STK4: variants seen among roughly 807,000 people sequenced by gnomAD.
The protein encoded by STK4 is serine/threonine kinase 4, also known as serine/threonine-protein kinase 4.
STK4 carries 30 observed loss-of-function variants against 64.9 expected under a neutral mutation model. The observed-to-expected ratio is 0.46, with a 90% CI of 0.35 to 0.63. The LOEUF (loss-of-function observed/expected upper bound fraction) is 0.63. Ranked by LOEUF, STK4 falls within the 20% of genes least tolerant of loss-of-function variation. The probability of loss-of-function intolerance (pLI) is 0.01; values close to 1 mark genes in which losing one functional copy is unlikely to be tolerated. For missense variants in STK4, 466 were observed against 598.5 expected (o/e 0.78, Z 2.31); for synonymous variants, 177 against 199.0 (o/e 0.89, Z 0.93).
chr20:45,001,289 G>A lies in STK4; in HGVS notation c.1083G>A (p.Leu361=), dbSNP rs1287930416. Residue 361 remains leucine (L), a synonymous_variant, in exon 9 of 11, where the codon TTG becomes TTA. Coordinates refer to ENST00000372806, the MANE Select transcript of STK4 (RefSeq NM_006282.5). ...CTATGATTGAGCACGATGACACGTT[G>A]CCATCACAACTGGGCACCATGGTGA... The part of the protein sequence containing the change: ...ANTMIEHDDT[L]PSQLGTMVIN... The A allele has an allele frequency of 8.7e-6, 14 of 1,614,052 alleles. No individual in the cohort carries two copies. Among genetic ancestry groups the A allele is most frequent in the Non-Finnish European group, 7.6e-6 (9 of 1,180,022 alleles).
At chr20:44,967,859 CAT>C (rs2067178046) in intron 1 of STK4, among the ~76,000 whole-genome samples, 1 of 152,184 alleles carries the variant, frequency 6.6e-6, no homozygotes, top group African/African-American at 2.4e-5. Flanking sequence ...TTATTACACT[CAT>C]ATTGCACTTA....
At position 45,078,239 on chromosome 20, in the gene STK4, T is replaced by C. The variant is rs1980669166; in HGVS notation, c.*3063T>C. On this transcript the variant is annotated 3_prime_UTR_variant, in exon 11 of 11. Transcript: ENST00000372806. ...TTTTTTTTTTGAGACAGAGTCTCAC[T>C]CTGTTGCCCAGGCTGGAGTGCAGTG... is the stretch of plus-strand genomic sequence containing the variant. The C allele has an allele frequency of 6.7e-6, 1 of 148,682 alleles. No homozygotes were observed. The allele number at this position is 148,682 out of a possible 1,614,324, so 9.2% of individuals were successfully genotyped here.
At chr20:44,995,723 A>G (rs80018126) in intron 6 of STK4, among the ~76,000 whole-genome samples, 1 of 151,916 alleles carries the variant, frequency 6.6e-6, no homozygotes, top group East Asian at 1.9e-4. Flanking sequence ...TACTGACTCT[A>G]GTTGTAGTCA....
At chr20:44,986,053 A>AT (rs975631583) in intron 4 of STK4, among the ~76,000 whole-genome samples, 1 of 152,188 alleles carries the variant, frequency 6.6e-6, no homozygotes, top group Non-Finnish European at 1.5e-5. Context: ...TTCAACAGAT[A>AT]TTTTTTTCAG....
chr20:45,063,790 G>C (rs531636887), intron 10 of STK4, among the ~76,000 whole-genome samples: 2 of 151,812 alleles, frequency 1.3e-5, no homozygotes, highest in Non-Finnish European at 2.9e-5. Flanking sequence ...GGAAGGGGGG[G>C]GTCCAGTGTT....
chr20:45,073,277 A>C (rs73302409), intron 10 of STK4, among the ~76,000 whole-genome samples: 138 of 152,022 alleles, frequency 9.1e-4, no homozygotes, highest in African/African-American at 3.2e-3. Context: ...TTTCAGCCCG[A>C]CTTTCCAGCA....
At chr20:45,047,185 T>C (rs1356035953) in intron 10 of STK4, among the ~76,000 whole-genome samples, 3 of 152,342 alleles carry the variant, frequency 2.0e-5, no homozygotes, top group Middle Eastern at 3.4e-3. Flanking sequence ...GTAAATGTTT[T>C]ATACCATCTT....
In STK4 at chr20:44,987,297, G is replaced by A; in HGVS notation, c.525+1G>A. The A allele has an allele frequency of 6.2e-7, 1 of 1,605,880 alleles. No homozygotes were observed. ...TTTTGGGGTAGCAGGTCAACTTACAGTAAGTAAAAATATTACTTGTATTGA... is the reference window on the plus strand; with the variant it reads ...TTTTGGGGTAGCAGGTCAACTTACAATAAGTAAAAATATTACTTGTATTGA... On this transcript the variant is annotated splice_donor_variant, in intron 5 of 10. Transcript: ENST00000372806. LOFTEE classifies it high-confidence loss of function.
intron 10 of STK4, among the ~76,000 whole-genome samples, chr20:45,033,660 A>G (rs1266894478): frequency 6.6e-6 from 1 of 152,098 alleles, no homozygotes; most frequent in Admixed American, 6.6e-5. Context: ...ACTCACTGCA[A>G]TCTCTGCCTC....
Position 45,077,339 on chromosome 20 carries a change from C to A in STK4, c.*2163C>A, listed in dbSNP as rs1483688111. On this transcript the variant is annotated 3_prime_UTR_variant, in exon 11 of 11. Transcript: ENST00000372806. ...AGTAAGTTTTAAAAACCAAAGCATC[C>A]AGGATGCACACCCCTGCACCATTTG... The A allele has an allele frequency of 6.6e-6, 1 of 152,164 alleles. No homozygotes were observed. Among genetic ancestry groups the A allele is most frequent in the Admixed American group, 6.5e-5 (1 of 15,272 alleles). 9.4% of individuals were successfully genotyped at this position (152,164 alleles called of 1,614,324 possible). A position where few individuals can be genotyped will look rare whatever the true frequency, so the allele number is the denominator to read the frequency against.
chr20:44,973,195 G>A (rs1333123560), intron 2 of STK4: 1 of 152,090 alleles, frequency 6.6e-6, no homozygotes, highest in Non-Finnish European at 1.5e-5. Flanking sequence ...TATTTTTTAT[G>A]TTAGGAGACA....
Position 44,978,536 on chromosome 20 carries a change from A to T in STK4, c.210A>T (p.Ile70=). The change falls in exon 3 of 11, where the codon ATA becomes ATT. Residue 70 remains isoleucine (I), a synonymous_variant. Transcript: ENST00000372806. ...QVPVESDLQE[I]IKEISIMQQC... is the part of the protein sequence containing the mutation. The stretch of plus-strand genomic sequence containing the variant: ...CTGTGGAATCAGACCTCCAGGAGAT[A>T]ATCAAAGAAATCTCTATAATGCAGC... 1 of 1,614,106 alleles carries T rather than the reference A, an allele frequency of 6.2e-7. No individual in the cohort carries two copies. Among genetic ancestry groups the T allele is most frequent in the Non-Finnish European group, 8.5e-7 (1 of 1,179,994 alleles).
At chr20:45,045,987 A>G (rs1007378059) in intron 10 of STK4, among the ~76,000 whole-genome samples, 8 of 151,774 alleles carry the variant, frequency 5.3e-5, no homozygotes, top group African/African-American at 1.5e-4. Flanking sequence ...TTGTATTTTT[A>G]GTAGAGATGG....
intron 10 of STK4, among the ~76,000 whole-genome samples, chr20:45,036,235 A>T (rs997560155): frequency 6.6e-6 from 1 of 152,316 alleles, no homozygotes; most frequent in East Asian, 1.9e-4. Context: ...TCAGTTACCC[A>T]CTGCAGTCTG....
chr20:45,038,423 T>A (rs1178597316), intron 10 of STK4, among the ~76,000 whole-genome samples: 1 of 152,082 alleles, frequency 6.6e-6, no homozygotes, highest in African/African-American at 2.4e-5. Flanking sequence ...TTATATATAT[T>A]TTTTAGCTTG....
chr20:45,049,529 T>C (rs2068746133), intron 10 of STK4, among the ~76,000 whole-genome samples: 1 of 152,208 alleles, frequency 6.6e-6, no homozygotes. Flanking sequence ...AAACAGTTCC[T>C]GGGATGAATT....
chr20:45,018,588 T>C (rs1441474872), intron 9 of STK4, among the ~76,000 whole-genome samples: 3 of 152,196 alleles, frequency 2.0e-5, no homozygotes, highest in Non-Finnish European at 1.5e-5. Context: ...AAAATTGAGT[T>C]ACTGACATAT....
At chr20:44,989,267 A>G (rs1487308434) in intron 5 of STK4, among the ~76,000 whole-genome samples, 2 of 152,248 alleles carry the variant, frequency 1.3e-5, no homozygotes, top group South Asian at 2.1e-4. Flanking sequence ...ATCCTCGCCA[A>G]CATTTTCTTT....
chr20:45,032,947 T>C lies in STK4; in HGVS notation c.1305+7817T>C, dbSNP rs138728376. Among the ~76,000 whole-genome samples, 766 of 152,320 alleles carry C rather than the reference T, an allele frequency of 5.0e-3. 8 individuals carry two copies. The highest frequency in any genetic ancestry group is 0.018 in the African/African-American group (732 of 41,576). ...TCGCCAGCATCTGTTATTTTTGATT[T>C]TCTAATAATAGCCATTCTGACTGGT... On this transcript the variant is annotated intron_variant, in intron 10 of 10. Coordinates refer to ENST00000372806, the MANE Select transcript of STK4 (RefSeq NM_006282.5).
Sources: gnomAD v4.1 joint callset for allele counts (sites outside exome capture counted in the v4.1 genomes callset) on GRCh38, gnomAD v4.1.1 for gene constraint, MANE v1.5 for transcripts, NCBI Gene and HGNC (gene_info 2026-07-23, HGNC 2026-07-21) for gene names.